GPR149: variants seen among roughly 807,000 people sequenced by gnomAD.
GPR149 encodes probable G protein-coupled receptor 149.
In GPR149, 50 loss-of-function variants were observed where a neutral mutation model predicts 50.2. The observed-to-expected ratio is 1.00, with a 90% confidence interval of 0.79 to 1.26. The LOEUF (loss-of-function observed/expected upper bound fraction) is 1.26, where lower values mean the gene tolerates loss of function less well. Among genes scored for constraint, GPR149 ranks in the 50% most tolerant of loss-of-function variants. The pLI, the probability that GPR149 is intolerant of heterozygous loss-of-function variation, is 0.00. For missense variants in GPR149, 983 were observed against 895.4 expected (o/e 1.10, Z -1.25); for synonymous variants, 405 against 358.2 (o/e 1.13, Z -1.48).
chr3:154,384,050 T>C (rs868447821), intron 3 of GPR149, among the ~76,000 whole-genome samples: 17 of 152,176 alleles, frequency 1.1e-4, no homozygotes, highest in African/African-American at 2.9e-4. Context: ...AGCTTATTTA[T>C]GGTATTTTGT....
chr3:154,352,266 C>T, intron 3 of GPR149: 1 of 846,094 alleles, frequency 1.2e-6, no homozygotes. Context: ...ACCAGATGGA[C>T]CACCTGACTG....
chr3:154,396,079 C>T (rs183340000), intron 3 of GPR149, among the ~76,000 whole-genome samples: 6 of 152,068 alleles, frequency 3.9e-5, no homozygotes, highest in African/African-American at 1.2e-4. Context: ...TTTAACGTTG[C>T]CTAGCTGAAT....
intron 3 of GPR149, among the ~76,000 whole-genome samples, chr3:154,419,266 T>G (rs992792524): frequency 1.3e-5 from 2 of 152,084 alleles, no homozygotes; most frequent in African/African-American, 4.8e-5. Context: ...AGATTGTGGG[T>G]AAGTTGTTCT....
At chr3:154,405,683 T>C (rs924329519) in intron 3 of GPR149, among the ~76,000 whole-genome samples, 8 of 151,294 alleles carry the variant, frequency 5.3e-5, no homozygotes, top group Non-Finnish European at 1.0e-4. Flanking sequence ...TGGGTAATGA[T>C]TGACCTTTAA....
At chr3:154,385,955 C>T (rs1715036966) in intron 3 of GPR149, among the ~76,000 whole-genome samples, 1 of 152,068 alleles carries the variant, frequency 6.6e-6, no homozygotes, top group South Asian at 2.1e-4. Context: ...CCTGCCTTGG[C>T]CTCCCAAAGT....
In GPR149 at chr3:154,378,284, G is replaced by T. The variant is rs144918840; in HGVS notation, c.1624-40013C>A. Among the ~76,000 whole-genome samples the T allele has an allele frequency of 1.4e-3, 208 of 152,120 alleles. 6 individuals are homozygous for T. In the East Asian group the frequency reaches 0.032, roughly 23 times the overall value. ...TTATTTCGCATTTTTAGTAGAGACA[G>T]TGTTTCACCATGTTGGCCAGGCTGG... is the stretch of plus-strand genomic sequence containing the variant. On this transcript the variant is annotated intron_variant, in intron 3 of 3. Transcript: ENST00000389740.
At chr3:154,414,579 T>C (rs1463993142) in intron 3 of GPR149, among the ~76,000 whole-genome samples, 1 of 151,836 alleles carries the variant, frequency 6.6e-6, no homozygotes, top group Non-Finnish European at 1.5e-5. Flanking sequence ...GGGGGAAAAA[T>C]AGAAACTTTA....
intron 3 of GPR149, among the ~76,000 whole-genome samples, chr3:154,397,986 T>C (rs1280187865): frequency 3.9e-5 from 6 of 152,314 alleles, no homozygotes; most frequent in African/African-American, 1.4e-4. Flanking sequence ...GTATGGAAAT[T>C]ACAATACAAA....
intron 3 of GPR149, among the ~76,000 whole-genome samples, chr3:154,395,436 TTATATA>T (rs201354563): frequency 1.8e-5 from 2 of 112,084 alleles, no homozygotes; most frequent in South Asian, 6.0e-4. Flanking sequence ...ATATGTAAAA[TTATATA>T]TATATAAGTA....
chr3:154,339,526 C>T (rs976905269), intron 3 of GPR149, among the ~76,000 whole-genome samples: 6 of 152,104 alleles, frequency 3.9e-5, no homozygotes, highest in Admixed American at 3.9e-4. Flanking sequence ...TCTCAATTTT[C>T]CTGGGACTGT....
At chr3:154,385,573 T>C (rs980451330) in intron 3 of GPR149, among the ~76,000 whole-genome samples, 1 of 152,194 alleles carries the variant, frequency 6.6e-6, no homozygotes, top group East Asian at 1.9e-4. Context: ...AAACTCTTTT[T>C]GGTTTGTTCG....
rs140331941 is a variant in GPR149, at chr3:154,428,201, T to C, written c.981+434A>G. ...CACAACTGATCTCTCCTCCCCTCTATCCCGCCCTGCTGGAGATGGGCGTCG... is the reference window on the plus strand; with the variant it reads ...CACAACTGATCTCTCCTCCCCTCTACCCCGCCCTGCTGGAGATGGGCGTCG... On this transcript the variant is annotated intron_variant, in intron 1 of 3. Transcript: ENST00000389740. Among the ~76,000 whole-genome samples the C allele has an allele frequency of 9.0e-4, 137 of 152,122 alleles. 2 individuals are homozygous for C. The East Asian group carries it at 0.024, about 26-fold the overall frequency.
intron 3 of GPR149, among the ~76,000 whole-genome samples, chr3:154,342,037 C>T (rs898990769): frequency 2.0e-5 from 3 of 152,192 alleles, no homozygotes; most frequent in Admixed American, 6.5e-5. Context: ...AGATACCTAT[C>T]TCATGTTACA....
intron 3 of GPR149, among the ~76,000 whole-genome samples, chr3:154,338,788 G>C (rs1713716662): frequency 6.6e-6 from 1 of 152,020 alleles, no homozygotes; most frequent in Non-Finnish European, 1.5e-5. Context: ...TTAGAGTTGA[G>C]CATACATAAC....
chr3:154,391,097 A>T (rs1322802408), intron 3 of GPR149, among the ~76,000 whole-genome samples: 1 of 152,132 alleles, frequency 6.6e-6, no homozygotes, highest in Non-Finnish European at 1.5e-5. Flanking sequence ...AAAGGAAGCT[A>T]AACAGCAATA....
intron 3 of GPR149, among the ~76,000 whole-genome samples, chr3:154,417,841 C>T (rs985090951): frequency 1.3e-5 from 2 of 152,006 alleles, no homozygotes; most frequent in Non-Finnish European, 2.9e-5. Context: ...TTGTTTTAGT[C>T]TTAGGAAAAG....
At chr3:154,367,286 A>G (rs1460179553) in intron 3 of GPR149, among the ~76,000 whole-genome samples, 3 of 152,146 alleles carry the variant, frequency 2.0e-5, no homozygotes, top group African/African-American at 7.2e-5. Flanking sequence ...AGCTATAAAC[A>G]GTGAAAATTT....
At chr3:154,422,004 A>G (rs1452190313) in intron 2 of GPR149, among the ~76,000 whole-genome samples, 1 of 151,844 alleles carries the variant, frequency 6.6e-6, no homozygotes, top group Non-Finnish European at 1.5e-5. Context: ...TTATATGTCT[A>G]TAAGTGCATA....
At chr3:154,405,585 CAAA>C (rs33943436) in intron 3 of GPR149, among the ~76,000 whole-genome samples, 5 of 83,492 alleles carry the variant, frequency 6.0e-5, no homozygotes, top group African/African-American at 2.1e-4. Flanking sequence ...AAGACTCCAT[CAAA>C]AAAAAAAAAA....
Sources: gnomAD v4.1 joint callset for allele counts (sites outside exome capture counted in the v4.1 genomes callset) on GRCh38, gnomAD v4.1.1 for gene constraint, MANE v1.5 for transcripts, NCBI Gene and HGNC (gene_info 2026-07-23, HGNC 2026-07-21) for gene names.